Variants in ZNF831 observed in about 807,000 individuals in gnomAD.
ZNF831 encodes the protein zinc finger protein 831, also known as chromosome 20 open reading frame 174.
Under a neutral mutation model 95.8 loss-of-function variants are expected in ZNF831, and 59 were observed. The ratio of observed to expected loss-of-function variants is 0.62; its 90% CI spans 0.50 to 0.77. The LOEUF (loss-of-function observed/expected upper bound fraction) is 0.77, where lower values mean the gene tolerates loss of function less well. Ranked by LOEUF, ZNF831 falls within the 30% of genes least tolerant of loss-of-function variation. The pLI, the probability that ZNF831 is intolerant of heterozygous loss-of-function variation, is 0.00. For synonymous variants in ZNF831, 961 were observed against 925.5 expected (o/e 1.04, Z -0.70); for missense variants, 2,205 against 2,164.0 (o/e 1.02, Z -0.38).
chr20:59,249,078 G>A (rs554931571), intron 4 of ZNF831, among the ~76,000 whole-genome samples: 45 of 152,190 alleles, frequency 3.0e-4, no homozygotes, highest in African/African-American at 1.0e-3. Context: ...TCTTGCTCCC[G>A]CAAGCTGCTT....
intron 4 of ZNF831, among the ~76,000 whole-genome samples, chr20:59,221,407 G>C (rs1229504282): frequency 6.6e-6 from 1 of 152,102 alleles, no homozygotes; most frequent in African/African-American, 2.4e-5. Context: ...GGCCTCCCTG[G>C]CAATACTGTG....
rs567645379 is a variant in ZNF831, at chr20:59,212,156, C to A, written c.4027+5100C>A. ...TTTATTTTTTGGAGACACTTCCTGT[C>A]AATAACTTGGGAGGATGATGGAGAG... On this transcript the variant is annotated intron_variant, in intron 4 of 5. Coordinates refer to ENST00000371030, the MANE Select transcript of ZNF831 (RefSeq NM_178457.3). Among the ~76,000 whole-genome samples the A allele has an allele frequency of 1.0e-3, 159 of 152,172 alleles. 1 individual carries two copies. Among genetic ancestry groups the A allele is most frequent in the Middle Eastern group, 3.4e-3 (1 of 294 alleles).
chr20:59,240,594 G>A (rs1487752839), intron 4 of ZNF831, among the ~76,000 whole-genome samples: 1 of 152,074 alleles, frequency 6.6e-6, no homozygotes, highest in Non-Finnish European at 1.5e-5. Context: ...GAGGTCAGGA[G>A]ATGGAGACCA....
At chr20:59,207,124 G>C (rs1984952252) in intron 4 of ZNF831, 68 bp downstream of exon 4, 3 of 1,566,842 alleles carry the variant, frequency 1.9e-6, no homozygotes, top group African/African-American at 2.7e-5. Context: ...CATAGACACT[G>C]GGGATTTGGG....
intron 1 of ZNF831, among the ~76,000 whole-genome samples, chr20:59,166,827 A>G (rs924580751): frequency 6.6e-6 from 1 of 152,172 alleles, no homozygotes; most frequent in African/African-American, 2.4e-5. Flanking sequence ...TTAAATATTC[A>G]TTGTTGAAGG....
In ZNF831 at chr20:59,149,164, A is replaced by G. The variant is rs148880010; in HGVS notation, c.-1281+2790A>G. Among the ~76,000 whole-genome samples, 833 of 152,346 alleles carry G rather than the reference A, an allele frequency of 5.5e-3. 3 individuals are homozygous for G. The highest frequency in any genetic ancestry group is 9.2e-3 in the Non-Finnish European group (625 of 68,020). On this transcript the variant is annotated intron_variant, in intron 2 of 7. Coordinates refer to the ZNF831 transcript ENST00000637017. ...CCCATCCTCTGTTTGAGATCAGACC[A>G]GAGGTGCCATCAGAAAATCAACTGA...
chr20:59,168,707 A>G (rs930615728), intron 1 of ZNF831, among the ~76,000 whole-genome samples: 15 of 152,136 alleles, frequency 9.9e-5, no homozygotes, highest in Middle Eastern at 3.2e-3. Flanking sequence ...ACCGTTAAGT[A>G]TAATGTAAAC....
intron 4 of ZNF831, among the ~76,000 whole-genome samples, chr20:59,243,695 C>T (rs1240534489): frequency 6.6e-6 from 1 of 152,134 alleles, no homozygotes; most frequent in Non-Finnish European, 1.5e-5. Context: ...ATATTCTTTT[C>T]CTAAAGCCAT....
chr20:59,143,657 G>A (rs977252958), intron 1 of ZNF831, among the ~76,000 whole-genome samples: 1 of 152,218 alleles, frequency 6.6e-6, no homozygotes, highest in Non-Finnish European at 1.5e-5. Context: ...TGGGGAGGAG[G>A]ATGGGTTTCC....
rs1411601904 is a variant in ZNF831 at position 59,257,450 on chromosome 20, T to A, written c.*2707T>A. 1.3e-5 allele frequency: 2 copies of A among 152,192 alleles called. No individual in the cohort carries two copies. Among genetic ancestry groups the A allele is most frequent in the African/African-American group, 4.8e-5 (2 of 41,446 alleles). 9.4% of individuals were successfully genotyped at this position (152,192 alleles called of 1,614,324 possible). The stretch of plus-strand genomic sequence containing the variant: ...TCTTTTTATAAAGCAATGAACAATC[T>A]CTGATTTTATAAATCTTAATTTTCC... On this transcript the variant is annotated 3_prime_UTR_variant, in exon 6 of 6. Transcript: ENST00000371030.
chr20:59,134,595 G>A (rs889065826), intron 1 of ZNF831, among the ~76,000 whole-genome samples: 4 of 152,164 alleles, frequency 2.6e-5, no homozygotes, highest in Admixed American at 6.5e-5. Flanking sequence ...GAAACCCAGC[G>A]GTCCCACCAT....
intron 4 of ZNF831, among the ~76,000 whole-genome samples, chr20:59,223,043 C>T (rs1385100480): frequency 6.6e-6 from 1 of 152,066 alleles, no homozygotes; most frequent in African/African-American, 2.4e-5. Flanking sequence ...CACATAAACG[C>T]CACCCAGAAA....
intron 1 of ZNF831, among the ~76,000 whole-genome samples, chr20:59,172,754 G>C (rs534573390): frequency 6.6e-6 from 1 of 152,288 alleles, no homozygotes; most frequent in African/African-American, 2.4e-5. Context: ...AGACTCTCTG[G>C]TAAGTGCACT....
chr20:59,175,865 G>A (rs1246895855), intron 1 of ZNF831, among the ~76,000 whole-genome samples: 1 of 152,230 alleles, frequency 6.6e-6, no homozygotes, highest in Non-Finnish European at 1.5e-5. Context: ...TCTGGGTTTA[G>A]TGACCCTTCT....
Position 59,255,327 on chromosome 20 carries a change from A to G in ZNF831, c.*584A>G, listed in dbSNP as rs1988125748. 2 of 153,238 alleles carry G rather than the reference A, an allele frequency of 1.3e-5. No homozygotes were observed. The highest frequency in any genetic ancestry group is 2.9e-5 in the Non-Finnish European group (2 of 68,778). The allele number at this position is 153,238 out of a possible 1,614,324, so 9.5% of individuals were successfully genotyped here. On this transcript the variant is annotated 3_prime_UTR_variant, in exon 6 of 6. Coordinates refer to ENST00000371030, the MANE Select transcript of ZNF831 (RefSeq NM_178457.3). ...TAAAAAACTGAAGCTTGTTCAGAGT[A>G]ATTCACGTCCTTGGTGGAGTTGTAA...
chr20:59,221,872 T>C (rs1986097088), intron 4 of ZNF831, among the ~76,000 whole-genome samples: 1 of 152,258 alleles, frequency 6.6e-6, no homozygotes, highest in Non-Finnish European at 1.5e-5. Flanking sequence ...CAAAAGCCAT[T>C]TTTCTAAGTA....
At chr20:59,170,516 T>C (rs1300370060) in intron 1 of ZNF831, among the ~76,000 whole-genome samples, 1 of 152,234 alleles carries the variant, frequency 6.6e-6, no homozygotes, top group Non-Finnish European at 1.5e-5. Flanking sequence ...TGATTTTAAT[T>C]CTTTAAATTT....
At chr20:59,167,685 C>T (rs116681578) in intron 1 of ZNF831, among the ~76,000 whole-genome samples, 2,326 of 151,148 alleles carry the variant, frequency 0.015, 64 homozygotes, top group African/African-American at 0.053. Context: ...CTTTTGCCTG[C>T]GGAAGTCAAT....
At chr20:59,204,750 A>C (rs1277182360) in intron 3 of ZNF831, among the ~76,000 whole-genome samples, 1 of 152,108 alleles carries the variant, frequency 6.6e-6, no homozygotes, top group Non-Finnish European at 1.5e-5. Context: ...CAGCCTGACG[A>C]AAGTGTCCTG....
Sources: gnomAD v4.1 joint callset for allele counts (sites outside exome capture counted in the v4.1 genomes callset) on GRCh38, gnomAD v4.1.1 for gene constraint, MANE v1.5 for transcripts, NCBI Gene and HGNC (gene_info 2026-07-23, HGNC 2026-07-21) for gene names.